Variants in SFMBT1 observed in about 807,000 individuals in gnomAD.
SFMBT1 encodes scm-like with four MBT domains protein 1.
Under a neutral mutation model 108.7 loss-of-function variants are expected in SFMBT1, and 32 were observed. That is an observed-to-expected ratio of 0.29 (90% CI 0.22 to 0.40). The LOEUF is 0.40. Ranked by LOEUF, SFMBT1 falls within the 10% of genes least tolerant of loss-of-function variation. SFMBT1 has a pLI of 1.00. For synonymous variants in SFMBT1, 348 were observed against 369.5 expected (o/e 0.94, Z 0.67); for missense variants, 816 against 1,059.6 (o/e 0.77, Z 3.19).
At chr3:53,002,267 C>T (rs377020309) in intron 1 of SFMBT1, among the ~76,000 whole-genome samples, 2 of 148,906 alleles carry the variant, frequency 1.3e-5, no homozygotes, top group South Asian at 4.3e-4. Flanking sequence ...GGCGTGGTGG[C>T]GGGCACCTGT....
chr3:52,972,752 C>CACAT lies in SFMBT1; in HGVS notation c.-130-3495_-130-3494insATGT, dbSNP rs1449579712. Among the ~76,000 whole-genome samples the CACAT allele has an allele frequency of 1.4e-5, 2 of 140,164 alleles. 1 individual carries two copies. The highest frequency in any genetic ancestry group is 1.4e-4 in the Admixed American group (2 of 14,342). The allele number at this position is 140,164 out of a possible 152,430, so 92.0% of individuals were successfully genotyped here. A position where few individuals can be genotyped will look rare whatever the true frequency, so the allele number is the denominator to read the frequency against. Reference sequence around the variant, plus strand: ...AAACCCCATCTCTACTAAACACACACACACACACACACACACACACACACA... The same window carrying CACAT: ...AAACCCCATCTCTACTAAACACACACACATACACACACACACACACACACACACA... On this transcript the variant is annotated intron_variant, in intron 1 of 20. Coordinates refer to ENST00000394752, the MANE Select transcript of SFMBT1 (RefSeq NM_016329.4).
chr3:53,008,632 C>CTT lies in SFMBT1; in HGVS notation c.-131+37182_-131+37183dup, dbSNP rs547883626. 8.1e-3 allele frequency among the ~76,000 whole-genome samples: 1,130 copies of CTT among 139,258 alleles called. 19 individuals are homozygous for CTT. The highest frequency in any genetic ancestry group is 0.028 in the African/African-American group (1,077 of 37,838). 91.4% of individuals were successfully genotyped at this position (139,258 alleles called of 152,430 possible). A position where few individuals can be genotyped will look rare whatever the true frequency, so the allele number is the denominator to read the frequency against. The stretch of plus-strand genomic sequence containing the variant: ...TACAAATTTCATGACCCTAGGTAGA[C>CTT]TTTTTTTTTTTTTTTTGAGATAGAG... On this transcript the variant is annotated intron_variant, in intron 1 of 20. Transcript: ENST00000394752.
intron 2 of SFMBT1, among the ~76,000 whole-genome samples, chr3:52,967,159 T>A (rs1304344735): frequency 6.6e-6 from 1 of 151,494 alleles, no homozygotes; most frequent in Non-Finnish European, 1.5e-5. Flanking sequence ...GCAGAAAAAA[T>A]AAATAAGCAA....
In SFMBT1 at chr3:52,949,568, C is replaced by CTTTTT. The variant is rs59842273; in HGVS notation, c.123+4744_123+4748dup. The stretch of plus-strand genomic sequence containing the variant: ...CCCTTTATTATTATGTAATGTCCTT[C>CTTTTT]TTTTTTTTTTTTTTTTTTTTTTTTT... On this transcript the variant is annotated intron_variant, in intron 3 of 20. Coordinates refer to ENST00000394752, the MANE Select transcript of SFMBT1 (RefSeq NM_016329.4). 4.7e-4 allele frequency among the ~76,000 whole-genome samples: 36 copies of CTTTTT among 77,412 alleles called. 2 individuals carry two copies. Among genetic ancestry groups the CTTTTT allele is most frequent in the Non-Finnish European group, 6.4e-4 (26 of 40,836 alleles). The allele number at this position is 77,412 out of a possible 152,430, so 50.8% of individuals were successfully genotyped here.
intron 9 of SFMBT1, among the ~76,000 whole-genome samples, chr3:52,927,513 G>T (rs1702692354): frequency 1.3e-5 from 2 of 152,068 alleles, no homozygotes; most frequent in African/African-American, 2.4e-5. Context: ...CAAATAATCT[G>T]ATTTGCTAAT....
At chr3:52,910,630 G>C in intron 17 of SFMBT1, among the ~76,000 whole-genome samples, 1 of 151,968 alleles carries the variant, frequency 6.6e-6, no homozygotes, top group South Asian at 2.1e-4. Context: ...CTGGGATTAC[G>C]GGCAGGTGCC....
At chr3:52,975,175 A>C (rs1255071570) in intron 1 of SFMBT1, among the ~76,000 whole-genome samples, 1 of 152,228 alleles carries the variant, frequency 6.6e-6, no homozygotes, top group Non-Finnish European at 1.5e-5. Flanking sequence ...AAGAAAACAA[A>C]GAAAGTGAAA....
intron 14 of SFMBT1, 24 bp downstream of exon 14, chr3:52,916,126 C>T: frequency 6.2e-7 from 1 of 1,601,118 alleles, no homozygotes; most frequent in Non-Finnish European, 8.5e-7. Context: ...GTCTTCTTTT[C>T]CTTAAGATGA....
chr3:53,019,773 T>C (rs1398229279), intron 1 of SFMBT1, among the ~76,000 whole-genome samples: 1 of 152,192 alleles, frequency 6.6e-6, no homozygotes, highest in East Asian at 1.9e-4. Context: ...CCATAGAGCA[T>C]ACAGGCATTT....
chr3:53,016,880 C>T (rs1275170227), intron 1 of SFMBT1, among the ~76,000 whole-genome samples: 2 of 152,146 alleles, frequency 1.3e-5, no homozygotes, highest in African/African-American at 2.4e-5. Context: ...AAGATCTTCG[C>T]TTATTGTTTT....
At chr3:52,978,537 C>CA (rs1704599413) in intron 1 of SFMBT1, among the ~76,000 whole-genome samples, 1 of 152,108 alleles carries the variant, frequency 6.6e-6, no homozygotes, top group Non-Finnish European at 1.5e-5. Context: ...ATGATGCAAC[C>CA]ACCTGGGAAA....
chr3:53,029,050 G>A (rs1332527591), intron 1 of SFMBT1, among the ~76,000 whole-genome samples: 2 of 151,574 alleles, frequency 1.3e-5, no homozygotes, highest in African/African-American at 4.9e-5. Context: ...GCGGGCGCCT[G>A]TAGTCCCAGC....
At chr3:52,918,912 GT>G (rs1178527167) in intron 12 of SFMBT1, among the ~76,000 whole-genome samples, 1 of 151,700 alleles carries the variant, frequency 6.6e-6, no homozygotes, top group Non-Finnish European at 1.5e-5. Flanking sequence ...GGACCAGGGG[GT>G]GGGGGGTCAT....
chr3:52,965,216 A>C (rs1323127288), intron 2 of SFMBT1, among the ~76,000 whole-genome samples: 3 of 151,816 alleles, frequency 2.0e-5, no homozygotes, highest in Admixed American at 6.6e-5. Flanking sequence ...TTAAAAAAAA[A>C]CCCTCTATGG....
chr3:52,912,721 C>G, intron 15 of SFMBT1, 74 bp from the exon 16 acceptor site: 2 of 1,076,166 alleles, frequency 1.9e-6, no homozygotes, highest in Non-Finnish European at 2.9e-6. Flanking sequence ...GTCATCTCTT[C>G]CTTAAAATGT....
intron 3 of SFMBT1, among the ~76,000 whole-genome samples, chr3:52,946,504 A>C (rs1012948109): frequency 1.2e-4 from 19 of 152,338 alleles, no homozygotes; most frequent in African/African-American, 4.6e-4. Flanking sequence ...ATGCTGTTGC[A>C]TGTAACAGTA....
chr3:52,943,694 G>A, intron 3 of SFMBT1, 101 bp from the exon 4 acceptor site: 1 of 1,438,332 alleles, frequency 7.0e-7, no homozygotes, highest in Non-Finnish European at 9.7e-7. Flanking sequence ...AGCACTAAAT[G>A]CAATAACATC....
chr3:52,952,499 T>C (rs1179451017), intron 3 of SFMBT1, among the ~76,000 whole-genome samples: 2 of 152,156 alleles, frequency 1.3e-5, no homozygotes, highest in African/African-American at 4.8e-5. Flanking sequence ...TCTTAGTCCA[T>C]CTGGGGTGCT....
chr3:53,029,323 A>G (rs1238423473), intron 1 of SFMBT1, among the ~76,000 whole-genome samples: 1 of 152,170 alleles, frequency 6.6e-6, no homozygotes, highest in Non-Finnish European at 1.5e-5. Flanking sequence ...TTATAAATAT[A>G]TTCTCTGAGG....
Sources: gnomAD v4.1 joint callset for allele counts (sites outside exome capture counted in the v4.1 genomes callset) on GRCh38, gnomAD v4.1.1 for gene constraint, MANE v1.5 for transcripts, NCBI Gene and HGNC (gene_info 2026-07-23, HGNC 2026-07-21) for gene names.